EXOC4: variants seen among roughly 807,000 people sequenced by gnomAD.
EXOC4 encodes the protein SEC8-like 1.
A neutral mutation model predicts 107.2 loss-of-function variants in EXOC4; 71 were observed. The observed-to-expected ratio is 0.66, with a 90% CI of 0.55 to 0.81. EXOC4 has a LOEUF of 0.81. EXOC4 is among the 30% of genes least tolerant of loss of function. EXOC4 has a pLI of 0.00. For synonymous variants in EXOC4, 456 were observed against 441.2 expected (o/e 1.03, Z -0.42); for missense variants, 1,108 against 1,189.6 (o/e 0.93, Z 1.01).
chr7:133,480,520 G>A (rs1378385026), intron 9 of EXOC4: 2 of 952,364 alleles, frequency 2.1e-6, no homozygotes, highest in African/African-American at 1.7e-5. Flanking sequence ...CTGAGATTTG[G>A]GAAAGGGAAA....
chr7:133,884,620 T>C (rs10251960), intron 11 of EXOC4, among the ~76,000 whole-genome samples: 2,912 of 142,412 alleles, frequency 0.02, 48 homozygotes, highest in Middle Eastern at 0.064. Flanking sequence ...TGTGTGTGTG[T>C]GCGCGCGTGT....
At chr7:133,270,197 T>A (rs887318841) in intron 1 of EXOC4, among the ~76,000 whole-genome samples, 1 of 152,174 alleles carries the variant, frequency 6.6e-6, no homozygotes, top group Admixed American at 6.5e-5. Context: ...TCTGCCATGA[T>A]TATGAGGCCT....
chr7:133,701,863 CAA>C (rs2151087466), intron 10 of EXOC4, among the ~76,000 whole-genome samples: 1 of 152,210 alleles, frequency 6.6e-6, no homozygotes, highest in East Asian at 1.9e-4. Flanking sequence ...GCGCATATAA[CAA>C]AGTTTGTGTG....
At chr7:133,734,402 T>C (rs920774615) in intron 10 of EXOC4, among the ~76,000 whole-genome samples, 1 of 151,724 alleles carries the variant, frequency 6.6e-6, no homozygotes, top group African/African-American at 2.4e-5. Flanking sequence ...AATGGAACCT[T>C]TGAAGTTCAC....
At chr7:133,742,839 A>G (rs1302040649) in intron 10 of EXOC4, among the ~76,000 whole-genome samples, 1 of 152,226 alleles carries the variant, frequency 6.6e-6, no homozygotes, top group South Asian at 2.1e-4. Context: ...AAGTTCTAAT[A>G]GAATATGTGT....
In EXOC4 at chr7:133,480,157, C is replaced by T. The variant is rs765608528; in HGVS notation, c.1417+19C>T. The T allele has an allele frequency of 2.5e-6, 4 of 1,612,538 alleles. No homozygotes were observed. Among genetic ancestry groups the T allele is most frequent in the Admixed American group, 1.7e-5 (1 of 59,986 alleles). On this transcript the variant is annotated intron_variant, in intron 9 of 17. Coordinates refer to ENST00000253861, the MANE Select transcript of EXOC4 (RefSeq NM_021807.4). ...CTGCAAGGTGAGTGATTGAGCTTCTCTGGAAAAATTAATTTTCTGGAGGAG... is the reference window on the plus strand; with the variant it reads ...CTGCAAGGTGAGTGATTGAGCTTCTTTGGAAAAATTAATTTTCTGGAGGAG...
chr7:133,397,831 C>A (rs960617742), intron 7 of EXOC4, among the ~76,000 whole-genome samples: 2 of 152,082 alleles, frequency 1.3e-5, no homozygotes, highest in African/African-American at 4.8e-5. Context: ...TACCACTGTG[C>A]TTAGTACTTT....
At chr7:133,576,624 C>T (rs1331727097) in intron 9 of EXOC4, 1 of 1,289,724 alleles carries the variant, frequency 7.8e-7, no homozygotes, top group African/African-American at 1.5e-5. Context: ...AACCACCTAG[C>T]TATTGCTAAA....
chr7:133,373,787 A>G (rs1796428071), intron 6 of EXOC4, among the ~76,000 whole-genome samples: 2 of 152,224 alleles, frequency 1.3e-5, no homozygotes, highest in African/African-American at 2.4e-5. Flanking sequence ...CATTAAATTC[A>G]TTCAGCAGTA....
chr7:133,347,643 C>T (rs1399262360), intron 5 of EXOC4, among the ~76,000 whole-genome samples: 1 of 152,050 alleles, frequency 6.6e-6, no homozygotes, highest in Non-Finnish European at 1.5e-5. Context: ...TTTAGCTAAG[C>T]CCTCCTTTCA....
chr7:133,661,360 T>C (rs1283776874), intron 10 of EXOC4, among the ~76,000 whole-genome samples: 3 of 152,164 alleles, frequency 2.0e-5, no homozygotes, highest in Non-Finnish European at 2.9e-5. Context: ...AGGGATTTTA[T>C]ACATTTTAGC....
In EXOC4 at chr7:134,004,824, T is replaced by C; in HGVS notation, c.2349-88T>C. 7.7e-6 allele frequency: 8 copies of C among 1,041,070 alleles called. No individual in the cohort carries two copies. In the South Asian group the frequency reaches 1.3e-4, roughly 17 times the overall value. 64.5% of individuals were successfully genotyped at this position (1,041,070 alleles called of 1,614,324 possible). On this transcript the variant is annotated intron_variant, in intron 15 of 17. Transcript: ENST00000253861. Reference sequence around the variant, plus strand: ...TCTTACATTTATTAATGATAATTTATTAGTTATTTTGGTGCTCTGTCCCAA... The same window carrying C: ...TCTTACATTTATTAATGATAATTTACTAGTTATTTTGGTGCTCTGTCCCAA...
At chr7:133,253,505 G>A (rs1360866698) in intron 1 of EXOC4, 3 of 1,078,140 alleles carry the variant, frequency 2.8e-6, no homozygotes, top group Non-Finnish European at 3.4e-6. Context: ...TGTGTTTATT[G>A]ATTCCTAAAA....
In EXOC4 at chr7:133,787,963, T is replaced by TTTTATATA. The variant is rs1203837455; in HGVS notation, c.1515-29361_1515-29360insTTATATAT. Among the ~76,000 whole-genome samples the TTTTATATA allele has an allele frequency of 1.1e-3, 45 of 40,966 alleles. 2 individuals are homozygous for TTTTATATA. Among genetic ancestry groups the TTTTATATA allele is most frequent in the African/African-American group, 3.1e-3 (38 of 12,158 alleles). 26.9% of individuals were successfully genotyped at this position (40,966 alleles called of 152,430 possible). The stretch of plus-strand genomic sequence containing the variant: ...CTTCCCTGTGCATATATTTATATAT[T>TTTTATATA]TATATATATATATATATATATATAT... On this transcript the variant is annotated intron_variant, in intron 10 of 17. Coordinates refer to ENST00000253861, the MANE Select transcript of EXOC4 (RefSeq NM_021807.4).
rs1231799847 is a variant in EXOC4, at chr7:134,064,405, C to T, written c.2802C>T (p.Arg934=). The T allele has an allele frequency of 6.2e-7, 1 of 1,607,320 alleles. No individual in the cohort carries two copies. Among genetic ancestry groups the T allele is most frequent in the East Asian group, 2.2e-5 (1 of 44,506 alleles). Residue 934 remains arginine (R), a synonymous_variant, in exon 18 of 18, where the codon CGC becomes CGT. Coordinates refer to ENST00000253861, the MANE Select transcript of EXOC4 (RefSeq NM_021807.4). ...EYIHALTLLH[R]SQTGVGELTT... ...TCCACGCTCTGACCCTGCTGCACCG[C>T]AGCCAGACTGGGGTGGGGGAACTGA...
chr7:133,522,664 G>C (rs1230353733), intron 9 of EXOC4, among the ~76,000 whole-genome samples: 5 of 152,108 alleles, frequency 3.3e-5, no homozygotes, highest in African/African-American at 1.2e-4. Context: ...AAAAAACCAG[G>C]ATGGCATACG....
intron 17 of EXOC4, among the ~76,000 whole-genome samples, chr7:134,019,065 G>A (rs1420776539): frequency 2.0e-5 from 3 of 152,080 alleles, no homozygotes; most frequent in Non-Finnish European, 4.4e-5. Context: ...GAGTAGCTGG[G>A]ATTAAAGGCA....
intron 9 of EXOC4, among the ~76,000 whole-genome samples, chr7:133,558,294 T>C (rs181130109): frequency 2.0e-5 from 3 of 149,150 alleles, no homozygotes; most frequent in African/African-American, 7.5e-5. Context: ...CTGTTATAAA[T>C]GTAAATCCTG....
At chr7:133,286,100 T>C (rs1158461083) in intron 2 of EXOC4, among the ~76,000 whole-genome samples, 1 of 152,288 alleles carries the variant, frequency 6.6e-6, no homozygotes, top group Non-Finnish European at 1.5e-5. Context: ...TAACTATTTT[T>C]CTCTACTCCA....
Sources: allele counts gnomAD v4.1 joint callset (sites outside exome capture counted in the v4.1 genomes callset), GRCh38; gene constraint gnomAD v4.1.1; transcripts MANE v1.5; gene names NCBI Gene and HGNC (gene_info 2026-07-23, HGNC 2026-07-21).